The following LAMA5 variants were observed in gnomAD, a reference collection of about 807,000 sequenced individuals.
The protein encoded by LAMA5 is laminin subunit alpha-5.
Under a neutral mutation model 433.4 loss-of-function variants are expected in LAMA5, and 260 were observed. The observed-to-expected ratio is 0.60, with a 90% CI of 0.54 to 0.66. The LOEUF is 0.66. Among genes scored for constraint, LAMA5 ranks in the 30% least tolerant of loss-of-function variants. The pLI is 0.00. For missense variants in LAMA5, 5,378 were observed against 5,258.5 expected, an observed-to-expected ratio of 1.02 and a Z score of -0.70; for synonymous variants, 2,620 against 2,226.6, an observed-to-expected ratio of 1.18 and a Z score of -4.97.
In LAMA5 at chr20:62,358,995, C is replaced by A. The variant is rs1165339339; in HGVS notation, c.450+3405G>T. On this transcript the variant is annotated intron_variant, in intron 2 of 79. Transcript: ENST00000252999. ...CCAATACTTCTAGCCTCATGCCTAA[C>A]TGCCCCCTTATACCCTGCCAGCCCC... Among the ~76,000 whole-genome samples the A allele has an allele frequency of 1.3e-5, 2 of 152,176 alleles. 1 individual carries two copies. The highest frequency in any genetic ancestry group is 1.3e-4 in the Admixed American group (2 of 15,280).
Position 62,314,340 on chromosome 20 carries a change from T to A in LAMA5, c.8468A>T (p.Asp2823Val). Residue 2823 changes from aspartate to valine, a missense_variant, in exon 62 of 80, where the codon GAC (aspartate) becomes GTC (valine). Asp to Val is a radical substitution (Grantham distance 152). Coordinates refer to ENST00000252999, the MANE Select transcript of LAMA5 (RefSeq NM_005560.6). ...GACAGCTGCGAACTGCTCCCCAATGTCCTCATCGATGCTTAGGACTGCAGG... is the reference window on the plus strand; with the variant it reads ...GACAGCTGCGAACTGCTCCCCAATGACCTCATCGATGCTTAGGACTGCAGG... ...AGPAVLSIDE[D>V]IGEQFAAVSL... The A allele has an allele frequency of 1.2e-6, 2 of 1,613,304 alleles. No individual in the cohort carries two copies. The highest frequency in any genetic ancestry group is 1.7e-6 in the Non-Finnish European group (2 of 1,179,890).
rs1460765125 is a variant in LAMA5, at chr20:62,328,228, T to G, written c.4652+13A>C. 1.3e-6 allele frequency: 2 copies of G among 1,592,978 alleles called. No homozygotes were observed. The highest frequency in any genetic ancestry group is 1.7e-6 in the Non-Finnish European group (2 of 1,169,340). ...CCACCAGGGGCCGCGCTGACGCCGC[T>G]CTGGGCTCTCACTTGCACTGGCCGC... On this transcript the variant is annotated intron_variant, in intron 35 of 79. Coordinates refer to ENST00000252999, the MANE Select transcript of LAMA5 (RefSeq NM_005560.6).
At chr20:62,365,757 A>T (rs1225480592) in intron 1 of LAMA5, among the ~76,000 whole-genome samples, 1 of 152,214 alleles carries the variant, frequency 6.6e-6, no homozygotes, top group Non-Finnish European at 1.5e-5. Flanking sequence ...AGCAGGTGTC[A>T]GCAGCTTTCC....
chr20:62,311,335 G>C, intron 72 of LAMA5, 28 bp from the exon 73 acceptor site: 1 of 1,531,492 alleles, frequency 6.5e-7, no homozygotes, highest in Non-Finnish European at 8.8e-7. Context: ...GAATGCAGGG[G>C]CCGCCCACAC....
Position 62,315,352 on chromosome 20 carries a change from A to G in LAMA5, c.7868-145T>C. 6 of 681,054 alleles carry G rather than the reference A, an allele frequency of 8.8e-6. No individual in the cohort carries two copies. The South Asian group carries it at 1.0e-4, about 12-fold the overall frequency. 42.2% of individuals were successfully genotyped at this position (681,054 alleles called of 1,614,324 possible). ...ACCCTCACACCCCGCTGCTCAGTGC[A>G]ATCCAAACCCATCCTAAATGCCTCC... On this transcript the variant is annotated intron_variant, in intron 58 of 79. Transcript: ENST00000252999.
chr20:62,315,721 T>C (rs928614073), intron 58 of LAMA5, among the ~76,000 whole-genome samples: 3 of 152,198 alleles, frequency 2.0e-5, no homozygotes, highest in African/African-American at 7.2e-5. Flanking sequence ...ACTCCATTTC[T>C]ACCCAAAGCA....
chr20:62,318,592 GGCCA>G lies in LAMA5; in HGVS notation c.7097_7100del (p.Leu2366ProfsTer22). The G allele has an allele frequency of 6.2e-7, 1 of 1,610,876 alleles. No individual in the cohort carries two copies. Among genetic ancestry groups the G allele is most frequent in the Non-Finnish European group, 8.5e-7 (1 of 1,179,078 alleles). On this transcript the variant is annotated frameshift_variant, in exon 53 of 80. Coordinates refer to ENST00000252999, the MANE Select transcript of LAMA5 (RefSeq NM_005560.6). LOFTEE classifies it high-confidence loss of function. ...GGGCCAGCCGGTCGCGGGTTTGTGT[GGCCA>G]GTGCCTGGTTCTCCTCCCAGAGGCT... is the stretch of plus-strand genomic sequence containing the variant.
Position 62,337,719 on chromosome 20 carries a change from A to G in LAMA5, c.2035T>C (p.Cys679Arg). 6.2e-7 allele frequency: 1 copy of G among 1,609,274 alleles called. No individual in the cohort carries two copies. The highest frequency in any genetic ancestry group is 1.1e-5 in the South Asian group (1 of 90,708). ...GCGTGCAGGGAGCCTTCAGCAGAGC[A>G]GTGGCAGGCTGCAGACAAGGATAGC... ...HGFPSCVPCH[C>R]SAEGSLHAAC... Residue 679 changes from cysteine to arginine, a missense_variant, in exon 16 of 80, where the codon TGC becomes CGC. Cys to Arg is a radical substitution (Grantham distance 180). Transcript: ENST00000252999.
At position 62,330,500 on chromosome 20, in the gene LAMA5, G is replaced by A. The variant is rs369806811; in HGVS notation, c.3967C>T (p.Arg1323Cys). Residue 1323 changes from arginine (R) to cysteine (C), a missense_variant, in exon 31 of 80, where the codon CGC becomes TGC. Coordinates refer to ENST00000252999, the MANE Select transcript of LAMA5 (RefSeq NM_005560.6). Reference sequence around the variant, plus strand: ...ACCAGACACTCACCCTGCCACACGCGGCCGGCGTTGATGAGGACTTCCACG... The same window carrying A: ...ACCAGACACTCACCCTGCCACACGCAGCCGGCGTTGATGAGGACTTCCACG... Reference protein sequence around the residue: ...FPVEVLINAGRVWQGHANASF... With the variant: ...FPVEVLINAGCVWQGHANASF... 1.2e-4 allele frequency: 183 copies of A among 1,556,874 alleles called. No individual in the cohort carries two copies. The highest frequency in any genetic ancestry group is 1.5e-4 in the Non-Finnish European group (172 of 1,150,068).
At chr20:62,328,792 G>C in intron 34 of LAMA5, 52 bp downstream of exon 34, 1 of 1,554,642 alleles carries the variant, frequency 6.4e-7, no homozygotes, top group Non-Finnish European at 8.8e-7. Flanking sequence ...GTCCACCTTG[G>C]GCTCTGGCAC....
chr20:62,345,748 G>A (rs1401785573), intron 11 of LAMA5, 70 bp downstream of exon 11: 1 of 1,117,310 alleles, frequency 9.0e-7, no homozygotes, highest in East Asian at 2.6e-5. Flanking sequence ...CTTTCTCCAG[G>A]AACTTTCTGT....
Position 62,353,299 on chromosome 20 carries a change from A to G in LAMA5, c.451-48T>C, listed in dbSNP as rs1417204347. ...GGGAGCCAGGGGCGCCTGGATTCCC[A>G]TGCTCCCAGGGGCCTGGCTCATTTT... is the stretch of plus-strand genomic sequence containing the variant. On this transcript the variant is annotated intron_variant, in intron 2 of 79. Coordinates refer to ENST00000252999, the MANE Select transcript of LAMA5 (RefSeq NM_005560.6). 4.4e-6 allele frequency: 6 copies of G among 1,356,102 alleles called. No homozygotes were observed. In the Admixed American group the frequency reaches 9.8e-5, roughly 22 times the overall value. 84.0% of individuals were successfully genotyped at this position (1,356,102 alleles called of 1,614,324 possible).
chr20:62,334,401 C>T lies in LAMA5; in HGVS notation c.2583-59G>A, dbSNP rs1038447025. 7.9e-5 allele frequency: 121 copies of T among 1,528,560 alleles called. 1 individual carries two copies. The African/African-American group carries it at 1.3e-3, about 16-fold the overall frequency. The allele number at this position is 1,528,560 out of a possible 1,614,324, so 94.7% of individuals were successfully genotyped here. On this transcript the variant is annotated intron_variant, in intron 21 of 79. Transcript: ENST00000252999. ...GGCCATCCTACCTAGCCCTGCACAG[C>T]GGCCCCGGGTCTCCAGGGAGGGTGA...
At chr20:62,334,657 GC>G (rs753044769) in intron 20 of LAMA5, 36 bp from the exon 21 acceptor site, 1 of 1,514,436 alleles carries the variant, frequency 6.6e-7, no homozygotes, top group Non-Finnish European at 8.9e-7. Flanking sequence ...AGGCTGCCTG[GC>G]CCCCACCCAG....
rs73598381 is a variant in LAMA5 at position 62,332,383 on chromosome 20, G to C, written c.3541C>G (p.Arg1181Gly). ...TGAGGGGTCCTTACCAGGAAGAAGC[G>C]TGCCTGTTCGGCTGTGAGCCTCACG... The part of the protein sequence containing the change: ...ASVRLTAEQA[R>G]FFLHGVTLVP... Residue 1181 changes from arginine (R) to glycine (G), a missense_variant, in exon 28 of 80, where the codon CGC becomes GGC. Arg to Gly is a moderately radical substitution (Grantham distance 125). Coordinates refer to ENST00000252999, the MANE Select transcript of LAMA5 (RefSeq NM_005560.6). The C allele has an allele frequency of 1.2e-6, 2 of 1,611,412 alleles. No individual in the cohort carries two copies. Among genetic ancestry groups the C allele is most frequent in the Non-Finnish European group, 1.7e-6 (2 of 1,178,860 alleles).
chr20:62,325,203 TGAGTAGGGTGACAGGAAGTGGAGGC>T (rs1413070947), intron 41 of LAMA5, 88 bp downstream of exon 41: 1 of 660,668 alleles, frequency 1.5e-6, no homozygotes, highest in African/African-American at 1.9e-5. Context: ...GGAAGAGAGG[TGAGTAGGGTGACAGGAAGTGGAGGC>T]AGCAAGGAAG....
In LAMA5 at chr20:62,328,376, G is replaced by A. The variant is rs1432897787; in HGVS notation, c.4517C>T (p.Pro1506Leu). The A allele has an allele frequency of 8.9e-6, 14 of 1,574,600 alleles. No homozygotes were observed. The Admixed American group carries it at 1.1e-4, about 13-fold the overall frequency. ...GQCICPPRTI[P>L]PDCLLCQPQT... ...GGGCTGGCACAGCAGGCAGTCGGGC[G>A]GGATGGTGCGTGGCGGGCAGATGCA... Residue 1506 changes from proline (P) to leucine (L), a missense_variant, in exon 35 of 80, where the codon CCG becomes CTG. Physicochemically the swap from Pro to Leu is moderately conservative, Grantham distance 98 (BLOSUM62 -3). Transcript: ENST00000252999.
chr20:62,313,019 A>G lies in LAMA5; in HGVS notation c.8956-9T>C, dbSNP rs746101395. 6.3e-7 allele frequency: 1 copy of G among 1,585,250 alleles called. No individual in the cohort carries two copies. The highest frequency in any genetic ancestry group is 1.1e-5 in the South Asian group (1 of 87,586). On this transcript the variant is annotated splice_polypyrimidine_tract_variant and intron_variant, in intron 65 of 79. Coordinates refer to ENST00000252999, the MANE Select transcript of LAMA5 (RefSeq NM_005560.6). ...AAGCACAGGAACTGGCTCTGCAGAA[A>G]CAGGGCAGGGTTAGTGTGGGGCAGG...
chr20:62,324,196 C>A lies in LAMA5; in HGVS notation c.5652G>T (p.Gln1884His), dbSNP rs374982041. Residue 1884 changes from glutamine (Q) to histidine (H), a missense_variant, in exon 43 of 80, where the codon CAG (glutamine) becomes CAT (histidine). By Grantham distance (24) the Gln-to-His change is conservative (BLOSUM62 0). Coordinates refer to ENST00000252999, the MANE Select transcript of LAMA5 (RefSeq NM_005560.6). The surrounding 1 kb of genome is among the most constrained non-coding windows in gnomAD (Gnocchi z 4.4). The stretch of plus-strand genomic sequence containing the variant: ...CACAGTGGGCCCCTTCGGTGTTGTG[C>A]TGGCAGTCCTGGGGCAGAGTGGACA... ...LPGSGVCVDC[Q>H]HNTEGAHCER... 9 of 1,577,016 alleles carry A rather than the reference C, an allele frequency of 5.7e-6. No homozygotes were observed. The African/African-American group carries it at 9.7e-5, about 17-fold the overall frequency.
Sources: allele counts gnomAD v4.1 joint callset (sites outside exome capture counted in the v4.1 genomes callset), GRCh38; gene constraint gnomAD v4.1.1; non-coding constraint Gnocchi (gnomAD v3.1); transcripts MANE v1.5; gene names NCBI Gene and HGNC (gene_info 2026-07-23, HGNC 2026-07-21).